Variants in PIGL observed in about 807,000 individuals in gnomAD.
PIGL encodes the protein N-acetylglucosaminyl-phosphatidylinositol de-N-acetylase.
Under a neutral mutation model 31.1 loss-of-function variants are expected in PIGL, and 22 were observed. The observed-to-expected ratio is 0.71, with a 90% CI of 0.51 to 1.01. PIGL has a LOEUF of 1.01. Among genes scored for constraint, PIGL ranks in the 50% least tolerant of loss-of-function variants. The pLI is 0.00. For synonymous variants in PIGL, 131 were observed against 117.4 expected, an observed-to-expected ratio of 1.12 and a Z score of -0.75; for missense variants, 302 against 315.9, an observed-to-expected ratio of 0.96 and a Z score of 0.33.
At chr17:16,258,948 A>G (rs1322371752) in intron 2 of PIGL, among the ~76,000 whole-genome samples, 4 of 152,238 alleles carry the variant, frequency 2.6e-5, no homozygotes, top group Non-Finnish European at 4.4e-5. Flanking sequence ...GTTAGTGTCC[A>G]GAAGAAAGGT....
intron 2 of PIGL, among the ~76,000 whole-genome samples, chr17:16,256,775 G>T (rs1268507947): frequency 6.6e-6 from 1 of 151,716 alleles, no homozygotes; most frequent in African/African-American, 2.4e-5. Flanking sequence ...ACTCACTGCA[G>T]CCTCTGCCTC....
intron 2 of PIGL, among the ~76,000 whole-genome samples, chr17:16,291,234 G>A (rs143123338): frequency 6.6e-5 from 10 of 152,314 alleles, no homozygotes; most frequent in African/African-American, 1.9e-4. Context: ...GGGGCTGGGC[G>A]TGGTGGCTCG....
At chr17:16,251,967 G>T (rs2092773624) in intron 2 of PIGL, among the ~76,000 whole-genome samples, 1 of 151,366 alleles carries the variant, frequency 6.6e-6, no homozygotes. Flanking sequence ...TGTTGCTTTT[G>T]TGCTTCTTAA....
At position 16,290,621 on chromosome 17, in the gene PIGL, C is replaced by A. The variant is rs146006489; in HGVS notation, c.336-9267C>A. Among the ~76,000 whole-genome samples the A allele has an allele frequency of 7.9e-5, 12 of 152,166 alleles. No homozygotes were observed. The East Asian group carries it at 2.3e-3, about 30-fold the overall frequency. On this transcript the variant is annotated intron_variant, in intron 2 of 6. Transcript: ENST00000225609. ...AATGGTCTTGAAGCCCTGGCCCAAG[C>A]AATTCTCCCTCCTTGGCCTCCCAAA...
intron 2 of PIGL, among the ~76,000 whole-genome samples, chr17:16,291,995 T>G (rs2142819830): frequency 6.6e-6 from 1 of 150,776 alleles, no homozygotes; most frequent in South Asian, 2.1e-4. Context: ...AAGTAGATAA[T>G]ATTAAAACAC....
At chr17:16,325,355 A>G (rs1312291697) in intron 6 of PIGL, among the ~76,000 whole-genome samples, 6 of 138,878 alleles carry the variant, frequency 4.3e-5, no homozygotes, top group East Asian at 2.0e-4. Context: ...AAAAAAAAAA[A>G]AGAATGTGGA....
In PIGL at chr17:16,326,099, A is replaced by C; in HGVS notation, c.*201A>C. On this transcript the variant is annotated 3_prime_UTR_variant, in exon 7 of 7. Coordinates refer to ENST00000225609, the MANE Select transcript of PIGL (RefSeq NM_004278.4). Reference sequence around the variant, plus strand: ...TGGGAAAAAACCCAAAGAACCAAAAACAAACCACCCCAAGGATAATAATAG... The same window carrying C: ...TGGGAAAAAACCCAAAGAACCAAAACCAAACCACCCCAAGGATAATAATAG... 1.8e-6 allele frequency: 1 copy of C among 565,680 alleles called. No individual in the cohort carries two copies. Among genetic ancestry groups the C allele is most frequent in the East Asian group, 2.9e-5 (1 of 34,610 alleles). The allele number at this position is 565,680 out of a possible 1,614,324, so 35.0% of individuals were successfully genotyped here. A position where few individuals can be genotyped will look rare whatever the true frequency, so the allele number is the denominator to read the frequency against.
chr17:16,223,397 C>A (rs1046412463), intron 1 of PIGL, among the ~76,000 whole-genome samples: 1 of 151,000 alleles, frequency 6.6e-6, no homozygotes, highest in African/African-American at 2.4e-5. Context: ...GCAAACACGG[C>A]GAAACCCCAT....
chr17:16,296,877 C>T (rs1296343135), intron 2 of PIGL, among the ~76,000 whole-genome samples: 2 of 151,684 alleles, frequency 1.3e-5, no homozygotes, highest in African/African-American at 2.4e-5. Flanking sequence ...CCACCACGCC[C>T]GGCTAATTTT....
At chr17:16,251,584 A>T (rs532912231) in intron 2 of PIGL, among the ~76,000 whole-genome samples, 2 of 151,694 alleles carry the variant, frequency 1.3e-5, no homozygotes, top group Non-Finnish European at 2.9e-5. Context: ...AGAGGGGGGA[A>T]AAAATCTAGT....
At chr17:16,325,326 C>G (rs2093122649) in intron 6 of PIGL, among the ~76,000 whole-genome samples, 1 of 68,304 alleles carries the variant, frequency 1.5e-5, no homozygotes, top group South Asian at 6.5e-4. Flanking sequence ...GCCTGGGCAA[C>G]AGGCTCAAAA....
intron 2 of PIGL, among the ~76,000 whole-genome samples, chr17:16,297,114 G>C (rs938211564): frequency 1.3e-5 from 2 of 152,166 alleles, no homozygotes; most frequent in Non-Finnish European, 2.9e-5. Context: ...AGATAGATTG[G>C]GGAAAACTTG....
intron 2 of PIGL, among the ~76,000 whole-genome samples, chr17:16,278,713 C>CAAA (rs57913710): frequency 0.037 from 5,390 of 147,660 alleles, 323 homozygotes; most frequent in African/African-American, 0.13. Context: ...TAAATCTAGG[C>CAAA]AAAAAAAAAA....
intron 3 of PIGL, among the ~76,000 whole-genome samples, chr17:16,303,788 C>T (rs186405126): frequency 8.6e-4 from 130 of 151,990 alleles, no homozygotes; most frequent in Non-Finnish European, 1.4e-3. Context: ...GATCTCAGCT[C>T]ACTGCAAACT....
chr17:16,264,130 A>G (rs907337426), intron 2 of PIGL, among the ~76,000 whole-genome samples: 10 of 150,344 alleles, frequency 6.7e-5, no homozygotes, highest in East Asian at 5.9e-4. Flanking sequence ...ATTCTGCCTC[A>G]GCCTCCCAAG....
chr17:16,276,059 C>T (rs1186779035), intron 2 of PIGL, among the ~76,000 whole-genome samples: 2 of 151,982 alleles, frequency 1.3e-5, no homozygotes, highest in Admixed American at 6.6e-5. Flanking sequence ...ATGGTGAGGG[C>T]CATTTATAAC....
In PIGL at chr17:16,316,780, T is replaced by A. The variant is rs757639324; in HGVS notation, c.526+68T>A. 3 of 1,597,048 alleles carry A rather than the reference T, an allele frequency of 1.9e-6. No individual in the cohort carries two copies. The African/African-American group carries it at 4.0e-5, about 21-fold the overall frequency. On this transcript the variant is annotated intron_variant, in intron 5 of 6. Coordinates refer to ENST00000225609, the MANE Select transcript of PIGL (RefSeq NM_004278.4). ...CTCTGAGAAACTTATGAGGGGGAAA[T>A]TTGCAAATCCACAGAGAGCTGCCCT...
intron 4 of PIGL, among the ~76,000 whole-genome samples, chr17:16,314,811 G>A (rs1396525519): frequency 1.3e-5 from 2 of 152,140 alleles, no homozygotes; most frequent in East Asian, 3.8e-4. Context: ...GAAAAATGAG[G>A]CAGCCCCAGA....
chr17:16,263,314 G>T (rs900188684), intron 2 of PIGL, among the ~76,000 whole-genome samples: 3 of 151,702 alleles, frequency 2.0e-5, no homozygotes, highest in Non-Finnish European at 4.4e-5. Flanking sequence ...GAGTAGCTGG[G>T]ACTACAGGCA....
Sources: gnomAD v4.1 joint callset for allele counts (sites outside exome capture counted in the v4.1 genomes callset) on GRCh38, gnomAD v4.1.1 for gene constraint, MANE v1.5 for transcripts, NCBI Gene and HGNC (gene_info 2026-07-23, HGNC 2026-07-21) for gene names.